Variants in MFHAS1 observed in about 807,000 individuals in gnomAD.
MFHAS1 encodes malignant fibrous histiocytoma-amplified sequence 1.
A neutral mutation model predicts 70.4 loss-of-function variants in MFHAS1; 50 were observed. That is an observed-to-expected ratio of 0.71 (90% confidence interval 0.57 to 0.90). MFHAS1 has a LOEUF of 0.90. MFHAS1 is among the 40% of genes least tolerant of loss of function. MFHAS1 has a pLI of 0.00. For missense variants in MFHAS1, 1,795 were observed against 1,347.6 expected (o/e 1.33, Z -5.20); for synonymous variants, 952 against 620.0 (o/e 1.54, Z -7.96).
At position 8,785,701 on chromosome 8, in the gene MFHAS1, G is replaced by T. The variant is rs1409838674; in HGVS notation, c.*321C>A. The T allele has an allele frequency of 5.8e-6, 2 of 342,168 alleles. No individual in the cohort carries two copies. Among genetic ancestry groups the T allele is most frequent in the Non-Finnish European group, 5.4e-6 (1 of 184,718 alleles). 21.2% of individuals were successfully genotyped at this position (342,168 alleles called of 1,614,324 possible). A position where few individuals can be genotyped will look rare whatever the true frequency, so the allele number is the denominator to read the frequency against. On this transcript the variant is annotated 3_prime_UTR_variant, in exon 3 of 3. Coordinates refer to ENST00000276282, the MANE Select transcript of MFHAS1 (RefSeq NM_004225.3). ...CCTGTACTGTAACTATGGCTTATAT[G>T]TGCACGGAAAACAAAATCCCTGAGA...
At chr8:8,809,007 T>C (rs1585027189) in intron 1 of MFHAS1, among the ~76,000 whole-genome samples, 1 of 152,180 alleles carries the variant, frequency 6.6e-6, no homozygotes, top group African/African-American at 2.4e-5. Context: ...CTCCATCTCC[T>C]GTCAGATCAG....
intron 1 of MFHAS1, among the ~76,000 whole-genome samples, chr8:8,810,914 C>A (rs997301178): frequency 6.6e-5 from 10 of 152,134 alleles, no homozygotes; most frequent in African/African-American, 4.8e-5. Context: ...ACTGGGAGGT[C>A]TGGTAGAGCT....
chr8:8,797,218 G>C (rs1321886576), intron 2 of MFHAS1, 147 bp downstream of exon 2: 1 of 780,054 alleles, frequency 1.3e-6, no homozygotes, highest in Non-Finnish European at 1.9e-6. Context: ...AAATCATGAT[G>C]CTGATGTCAT....
chr8:8,874,150 G>C (rs1809197354), intron 1 of MFHAS1, among the ~76,000 whole-genome samples: 1 of 152,140 alleles, frequency 6.6e-6, no homozygotes, highest in Admixed American at 6.5e-5. Context: ...TCCGAGCACA[G>C]AGAGGGATTA....
At chr8:8,883,436 A>C (rs1186852980) in intron 1 of MFHAS1, among the ~76,000 whole-genome samples, 1 of 151,576 alleles carries the variant, frequency 6.6e-6, no homozygotes, top group Non-Finnish European at 1.5e-5. Flanking sequence ...GGCCAGGCGC[A>C]GTGGCTCATG....
Position 8,835,424 on chromosome 8 carries a change from C to T in MFHAS1, c.2999-37933G>A, listed in dbSNP as rs868081917. On this transcript the variant is annotated intron_variant, in intron 1 of 2. Coordinates refer to ENST00000276282, the MANE Select transcript of MFHAS1 (RefSeq NM_004225.3). ...CATCCCGGAGCAGAGTTACGAGATA[C>T]CCATCATGCAGCCGCCATCTCAGTG... Among the ~76,000 whole-genome samples, 7 of 152,290 alleles carry T rather than the reference C, an allele frequency of 4.6e-5. No individual in the cohort carries two copies. The Middle Eastern group carries it at 0.014, about 296-fold the overall frequency.
At chr8:8,827,794 GA>G (rs898079349) in intron 1 of MFHAS1, among the ~76,000 whole-genome samples, 6 of 151,878 alleles carry the variant, frequency 4.0e-5, no homozygotes, top group South Asian at 2.1e-4. Flanking sequence ...GCTTTGGGGG[GA>G]AAAAAGTCTT....
At position 8,892,428 on chromosome 8, in the gene MFHAS1, C is replaced by G; in HGVS notation, c.631G>C (p.Val211Leu). Reference protein sequence around the residue: ...LQLVALEELDVSSNRLRGLPE... With the variant: ...LQLVALEELDLSSNRLRGLPE... ...AGGCCCCGCAGCCGGTTGCTGGACA[C>G]GTCCAGCTCCTCCAGGGCCACCAGC... Residue 211 changes from valine to leucine, a missense_variant, in exon 1 of 3, where the codon GTG becomes CTG. Coordinates refer to ENST00000276282, the MANE Select transcript of MFHAS1 (RefSeq NM_004225.3). The surrounding 1 kb of genome is among the most constrained non-coding windows in gnomAD (Gnocchi z 4.7). The G allele has an allele frequency of 1.2e-6, 2 of 1,612,388 alleles. No homozygotes were observed. The highest frequency in any genetic ancestry group is 2.2e-5 in the East Asian group (1 of 44,782).
chr8:8,822,567 C>T (rs1341592501), intron 1 of MFHAS1, among the ~76,000 whole-genome samples: 1 of 127,114 alleles, frequency 7.9e-6, no homozygotes, highest in African/African-American at 3.1e-5. Flanking sequence ...AGTCAGGGGG[C>T]CTGAGGTGAG....
At chr8:8,829,160 A>C (rs1807274787) in intron 1 of MFHAS1, among the ~76,000 whole-genome samples, 1 of 152,108 alleles carries the variant, frequency 6.6e-6, no homozygotes, top group African/African-American at 2.4e-5. Flanking sequence ...GTCACCTCTC[A>C]TGCCTCTGCT....
intron 1 of MFHAS1, among the ~76,000 whole-genome samples, chr8:8,886,596 T>C (rs1250814119): frequency 6.6e-6 from 1 of 152,196 alleles, no homozygotes; most frequent in Non-Finnish European, 1.5e-5. Context: ...GCTTTTCACA[T>C]AAAAATACTT....
At chr8:8,802,245 G>A (rs558677949) in intron 1 of MFHAS1, among the ~76,000 whole-genome samples, 1 of 152,284 alleles carries the variant, frequency 6.6e-6, no homozygotes, top group South Asian at 2.1e-4. Context: ...AATGGTCACA[G>A]GAAGAAGTGG....
At chr8:8,819,760 A>G (rs1270216971) in intron 1 of MFHAS1, among the ~76,000 whole-genome samples, 1 of 152,072 alleles carries the variant, frequency 6.6e-6, no homozygotes, top group Middle Eastern at 3.2e-3. Flanking sequence ...GTGTGGTGGT[A>G]TGATCACAGC....
At chr8:8,803,933 T>C (rs752911092) in intron 1 of MFHAS1, among the ~76,000 whole-genome samples, 78 of 150,384 alleles carry the variant, frequency 5.2e-4, no homozygotes, top group Non-Finnish European at 8.8e-4. Flanking sequence ...GACTGTGCCA[T>C]TGCACTCCAG....
chr8:8,811,436 T>TCTA (rs1317848293), intron 1 of MFHAS1, among the ~76,000 whole-genome samples: 2 of 151,716 alleles, frequency 1.3e-5, no homozygotes, highest in Non-Finnish European at 2.9e-5. Flanking sequence ...CCATCATACC[T>TCTA]CATTTTTTTA....
intron 1 of MFHAS1, among the ~76,000 whole-genome samples, chr8:8,800,767 A>T (rs1806057831): frequency 6.6e-6 from 1 of 152,188 alleles, no homozygotes; most frequent in East Asian, 1.9e-4. Context: ...CACAGGCCCC[A>T]GCTCCACCTG....
intron 1 of MFHAS1, among the ~76,000 whole-genome samples, chr8:8,887,204 A>G (rs1381705210): frequency 6.6e-6 from 1 of 152,204 alleles, no homozygotes; most frequent in East Asian, 1.9e-4. Context: ...CTGAATTAAT[A>G]TATATTTTAA....
intron 1 of MFHAS1, among the ~76,000 whole-genome samples, chr8:8,853,466 T>TAAAAA (rs58475480): frequency 8.3e-6 from 1 of 120,184 alleles, no homozygotes; most frequent in Non-Finnish European, 1.7e-5. Flanking sequence ...TGCTCATTCT[T>TAAAAA]AAAAAAAAAA....
intron 1 of MFHAS1, among the ~76,000 whole-genome samples, chr8:8,887,328 A>C (rs1265485150): frequency 6.6e-6 from 1 of 152,122 alleles, no homozygotes; most frequent in African/African-American, 2.4e-5. Context: ...ACTTTTACCA[A>C]ATCTTTCGTA....
Sources: allele counts gnomAD v4.1 joint callset (sites outside exome capture counted in the v4.1 genomes callset), GRCh38; gene constraint gnomAD v4.1.1; non-coding constraint Gnocchi (gnomAD v3.1); transcripts MANE v1.5; gene names NCBI Gene and HGNC (gene_info 2026-07-23, HGNC 2026-07-21).